Variants in ZFAND3 observed in about 807,000 individuals in gnomAD.
The protein encoded by ZFAND3 is zinc finger AN1-type containing 3, also known as AN1-type zinc finger protein 3.
ZFAND3 carries 10 observed loss-of-function variants against 29.6 expected under a neutral mutation model. The observed-to-expected ratio is 0.34, with a 90% confidence interval of 0.21 to 0.57. ZFAND3 has a LOEUF of 0.57. Ranked by LOEUF, ZFAND3 falls within the 20% of genes least tolerant of loss-of-function variation. The pLI, the probability that ZFAND3 is intolerant of heterozygous loss-of-function variation, is 0.86. For synonymous variants in ZFAND3, 128 were observed against 112.6 expected, an observed-to-expected ratio of 1.14 and a Z score of -0.87; for missense variants, 230 against 304.5, an observed-to-expected ratio of 0.76 and a Z score of 1.82.
chr6:37,838,849 G>T (rs150023712), intron 1 of ZFAND3, among the ~76,000 whole-genome samples: 14 of 152,124 alleles, frequency 9.2e-5, no homozygotes, highest in African/African-American at 2.9e-4. Flanking sequence ...GGGGAATTTC[G>T]GGATGATATG....
chr6:38,015,252 A>C (rs1224588853), intron 2 of ZFAND3, among the ~76,000 whole-genome samples: 1 of 152,230 alleles, frequency 6.6e-6, no homozygotes, highest in Non-Finnish European at 1.5e-5. Flanking sequence ...ATTACTAATC[A>C]GAGAAATGCA....
intron 1 of ZFAND3, among the ~76,000 whole-genome samples, chr6:37,843,342 C>T (rs113024436): frequency 0.069 from 10,445 of 151,850 alleles, 455 homozygotes; most frequent in Non-Finnish European, 0.098. Context: ...AAAAAATTAG[C>T]TGGGTGTGGT....
chr6:38,105,478 C>T (rs1441293253), intron 4 of ZFAND3, among the ~76,000 whole-genome samples: 2 of 152,162 alleles, frequency 1.3e-5, no homozygotes, highest in Non-Finnish European at 2.9e-5. Flanking sequence ...TATATGTTCA[C>T]ATATGTGACA....
intron 4 of ZFAND3, among the ~76,000 whole-genome samples, chr6:38,097,649 A>T (rs1469814578): frequency 6.6e-6 from 1 of 152,208 alleles, no homozygotes. Flanking sequence ...CCATAAAGTT[A>T]TTATGAAGGA....
rs921987942 is a variant in ZFAND3 at position 37,910,525 on chromosome 6, G to A, written c.72-19434G>A. Among the ~76,000 whole-genome samples, 5 of 152,242 alleles carry A rather than the reference G, an allele frequency of 3.3e-5. No individual in the cohort carries two copies. The South Asian group carries it at 1.0e-3, about 32-fold the overall frequency. On this transcript the variant is annotated intron_variant, in intron 1 of 5. Transcript: ENST00000287218. ...GTATGTTTATGGTGTACAGCTTGGTGTTTTGATATATGTATACATTGTAAT... is the reference window on the plus strand; with the variant it reads ...GTATGTTTATGGTGTACAGCTTGGTATTTTGATATATGTATACATTGTAAT...
At chr6:38,016,671 C>G (rs919512774) in intron 2 of ZFAND3, among the ~76,000 whole-genome samples, 1 of 152,088 alleles carries the variant, frequency 6.6e-6, no homozygotes, top group Non-Finnish European at 1.5e-5. Context: ...AAATGGTAAA[C>G]AAGAACACAT....
At chr6:37,922,262 C>A (rs145360516) in intron 1 of ZFAND3, among the ~76,000 whole-genome samples, 1 of 151,270 alleles carries the variant, frequency 6.6e-6, no homozygotes, top group African/African-American at 2.4e-5. Context: ...GATTTAAGTC[C>A]AAAAATGCTC....
chr6:37,953,444 T>TTTTC, intron 2 of ZFAND3, among the ~76,000 whole-genome samples: 1 of 127,894 alleles, frequency 7.8e-6, no homozygotes, highest in Non-Finnish European at 1.6e-5. Flanking sequence ...TAATTATCTT[T>TTTTC]TTTTTTTTTT....
At chr6:37,980,533 C>T (rs918406373) in intron 2 of ZFAND3, among the ~76,000 whole-genome samples, 8 of 152,096 alleles carry the variant, frequency 5.3e-5, no homozygotes, top group African/African-American at 1.9e-4. Flanking sequence ...ACCACTCTAC[C>T]CTTATTCTTC....
At chr6:37,868,240 A>G (rs1172393961) in intron 1 of ZFAND3, among the ~76,000 whole-genome samples, 2 of 152,186 alleles carry the variant, frequency 1.3e-5, no homozygotes, top group Non-Finnish European at 2.9e-5. Flanking sequence ...CCTGCCCTGT[A>G]GGAGTGATAG....
At chr6:37,848,822 A>T (rs1227971818) in intron 1 of ZFAND3, among the ~76,000 whole-genome samples, 1 of 152,052 alleles carries the variant, frequency 6.6e-6, no homozygotes, top group Admixed American at 6.6e-5. Context: ...TGGTGTCTCG[A>T]TGCTGGTAGT....
intron 3 of ZFAND3, 54 bp from the exon 4 acceptor site, chr6:38,082,338 T>C (rs1250432533): frequency 6.7e-7 from 1 of 1,498,458 alleles, no homozygotes; most frequent in Non-Finnish European, 9.2e-7. Context: ...AAAGCAACTA[T>C]ATGGGCATGT....
intron 2 of ZFAND3, among the ~76,000 whole-genome samples, chr6:38,033,810 A>C (rs918882919): frequency 6.6e-6 from 1 of 152,190 alleles, no homozygotes; most frequent in African/African-American, 2.4e-5. Flanking sequence ...TCAGTCAGTC[A>C]GTCAATCACA....
At chr6:37,921,360 C>T (rs1395636694) in intron 1 of ZFAND3, among the ~76,000 whole-genome samples, 2 of 151,432 alleles carry the variant, frequency 1.3e-5, no homozygotes, top group East Asian at 1.9e-4. Flanking sequence ...GGTATACTTA[C>T]GTGCTGGTAC....
chr6:38,025,909 A>G (rs1281702427), intron 2 of ZFAND3, among the ~76,000 whole-genome samples: 1 of 152,180 alleles, frequency 6.6e-6, no homozygotes, highest in Non-Finnish European at 1.5e-5. Context: ...GGTCCTTGCT[A>G]AAGGGTACAG....
chr6:38,153,700 T>C lies in ZFAND3; in HGVS notation c.*1311T>C. On this transcript the variant is annotated 3_prime_UTR_variant, in exon 6 of 6. Coordinates refer to ENST00000287218, the MANE Select transcript of ZFAND3 (RefSeq NM_021943.3). Reference sequence around the variant, plus strand: ...GGTGGGGGTGGGCCTGGTTGCCCCATGTTAGGAAATCACTACCAGTCAGGT... The same window carrying C: ...GGTGGGGGTGGGCCTGGTTGCCCCACGTTAGGAAATCACTACCAGTCAGGT... 1 of 985,128 alleles carries C rather than the reference T, an allele frequency of 1.0e-6. No homozygotes were observed. Among genetic ancestry groups the C allele is most frequent in the Non-Finnish European group, 1.2e-6 (1 of 829,850 alleles). 61.0% of individuals were successfully genotyped at this position (985,128 alleles called of 1,614,324 possible).
chr6:37,854,893 GT>G (rs1764349506), intron 1 of ZFAND3, among the ~76,000 whole-genome samples: 1 of 143,176 alleles, frequency 7.0e-6, no homozygotes, highest in African/African-American at 2.6e-5. Context: ...AAGCTAATAA[GT>G]TAGTAATGAG....
chr6:38,137,822 C>T (rs1765871249), intron 5 of ZFAND3, among the ~76,000 whole-genome samples: 2 of 152,090 alleles, frequency 1.3e-5, no homozygotes, highest in South Asian at 4.1e-4. Context: ...GAGGGAGGAA[C>T]AAACTTGGTG....
intron 5 of ZFAND3, among the ~76,000 whole-genome samples, chr6:38,146,216 T>G (rs963822312): frequency 1.3e-5 from 2 of 152,034 alleles, no homozygotes; most frequent in East Asian, 1.9e-4. Flanking sequence ...AGATGGAGGG[T>G]GTAGCTGGTG....
Sources: gnomAD v4.1 joint callset for allele counts (sites outside exome capture counted in the v4.1 genomes callset) on GRCh38, gnomAD v4.1.1 for gene constraint, MANE v1.5 for transcripts, NCBI Gene and HGNC (gene_info 2026-07-23, HGNC 2026-07-21) for gene names.